Variants in GGNBP2 observed in about 807,000 individuals in gnomAD.
GGNBP2 encodes gametogenetin-binding protein 2.
Under a neutral mutation model 85.9 loss-of-function variants are expected in GGNBP2, and 10 were observed. The observed-to-expected ratio is 0.12, with a 90% CI of 0.07 to 0.20. GGNBP2 has a LOEUF of 0.20. GGNBP2 is among the 10% of genes least tolerant of loss of function. GGNBP2 has a pLI of 1.00. For synonymous variants in GGNBP2, 287 were observed against 285.7 expected (o/e 1.00, Z -0.05); for missense variants, 595 against 857.8 (o/e 0.69, Z 3.83).
intron 6 of GGNBP2, chr17:36,576,627 G>GTATATA (rs1267951780): frequency 9.0e-6 from 1 of 110,698 alleles, no homozygotes; most frequent in African/African-American, 3.9e-5. Flanking sequence ...GTGTGTGTGT[G>GTATATA]TGTATATGTA....
chr17:36,549,643 T>G (rs1439861521), intron 2 of GGNBP2, among the ~76,000 whole-genome samples: 1 of 152,238 alleles, frequency 6.6e-6, no homozygotes, highest in African/African-American at 2.4e-5. Flanking sequence ...CTGTAACTTT[T>G]TGTCCTTATT....
chr17:36,549,972 G>C (rs988755490), intron 2 of GGNBP2, among the ~76,000 whole-genome samples: 9 of 150,220 alleles, frequency 6.0e-5, no homozygotes, highest in African/African-American at 2.0e-4. Flanking sequence ...GAGTCTCACT[G>C]TGTCACCTAG....
intron 6 of GGNBP2, among the ~76,000 whole-genome samples, chr17:36,575,849 G>A (rs2074576048): frequency 6.7e-6 from 1 of 149,742 alleles, no homozygotes; most frequent in Non-Finnish European, 1.5e-5. Flanking sequence ...GTTTCACCAT[G>A]TTGGCCAGGC....
intron 6 of GGNBP2, among the ~76,000 whole-genome samples, chr17:36,575,613 C>CATATATATATATAT (rs776677029): frequency 3.9e-4 from 26 of 66,928 alleles, no homozygotes; most frequent in African/African-American, 9.7e-4. Flanking sequence ...TCTAATGTAA[C>CATATATATATATAT]ATATATATAT....
chr17:36,567,085 G>C (rs2074476006), intron 5 of GGNBP2, among the ~76,000 whole-genome samples: 1 of 152,096 alleles, frequency 6.6e-6, no homozygotes, highest in Non-Finnish European at 1.5e-5. Context: ...ATTTGTGGAA[G>C]ATTGGTCTGT....
intron 6 of GGNBP2, chr17:36,575,217 A>G (rs2074564940): frequency 1.6e-6 from 1 of 639,660 alleles, no homozygotes; most frequent in African/African-American, 1.8e-5. Context: ...CCGCGGCCTC[A>G]GCCCCAGCCC....
intron 10 of GGNBP2, 64 bp from the exon 11 acceptor site, chr17:36,585,776 T>G (rs183181509): frequency 5.8e-6 from 8 of 1,380,062 alleles, no homozygotes; most frequent in Middle Eastern, 3.6e-4. Context: ...CCCAAAGAGT[T>G]CACTCTTTGT....
intron 10 of GGNBP2, 78 bp downstream of exon 10, chr17:36,585,528 T>G: frequency 2.0e-6 from 2 of 1,021,272 alleles, no homozygotes; most frequent in East Asian, 5.0e-5. Flanking sequence ...CTTTTAGAGA[T>G]TCTGTGAGCT....
chr17:36,545,331 C>A (rs1387067681), intron 1 of GGNBP2, among the ~76,000 whole-genome samples: 5 of 149,794 alleles, frequency 3.3e-5, no homozygotes, highest in African/African-American at 1.2e-4. Context: ...GGCCGGGACT[C>A]CTGCAGCGGG....
At chr17:36,586,423 C>T in intron 12 of GGNBP2, 1 of 538,232 alleles carries the variant, frequency 1.9e-6, no homozygotes, top group Non-Finnish European at 3.3e-6. Flanking sequence ...TTCAATTGTT[C>T]TTTTTATACT....
chr17:36,560,220 A>G (rs2074403849), intron 4 of GGNBP2, among the ~76,000 whole-genome samples: 1 of 152,086 alleles, frequency 6.6e-6, no homozygotes, highest in Non-Finnish European at 1.5e-5. Flanking sequence ...AGCCTTCCAA[A>G]GTGCTGGGAT....
intron 6 of GGNBP2, among the ~76,000 whole-genome samples, chr17:36,576,155 A>G (rs2074579494): frequency 1.5e-5 from 2 of 133,402 alleles, no homozygotes; most frequent in African/African-American, 5.6e-5. Context: ...CCTGGCCAAC[A>G]TGGTGAAACC....
chr17:36,561,888 G>C (rs2074420768), intron 5 of GGNBP2, among the ~76,000 whole-genome samples: 1 of 152,220 alleles, frequency 6.6e-6, no homozygotes, highest in Non-Finnish European at 1.5e-5. Flanking sequence ...CTCCCAAAGT[G>C]CTGAGATTAC....
rs2074649679 is a variant in GGNBP2 at position 36,581,504 on chromosome 17, A to G, written c.1181A>G (p.Gln394Arg). 1.2e-6 allele frequency: 2 copies of G among 1,610,776 alleles called. No individual in the cohort carries two copies. The highest frequency in any genetic ancestry group is 1.7e-6 in the Non-Finnish European group (2 of 1,178,958). ...GTGTGTGATATTCCTACTCCCTTACAAACAGCAGATGAAAAGGAAGTAAGC... is the reference window on the plus strand; with the variant it reads ...GTGTGTGATATTCCTACTCCCTTACGAACAGCAGATGAAAAGGAAGTAAGC... Reference protein sequence around the residue: ...KCVCDIPTPLQTADEKEVSQE... With the variant: ...KCVCDIPTPLRTADEKEVSQE... The change falls in exon 9 of 14, where the codon CAA becomes CGA. Residue 394 changes from glutamine (Q) to arginine (R), a missense_variant. By Grantham distance (43) the Gln-to-Arg change is conservative (BLOSUM62 1). Transcript: ENST00000613102.
chr17:36,545,970 T>C (rs1353622646), intron 2 of GGNBP2, 153 bp downstream of exon 2: 2 of 581,184 alleles, frequency 3.4e-6, no homozygotes, highest in East Asian at 6.0e-5. Context: ...AAACTCGCCT[T>C]TGCAGTGGGT....
intron 4 of GGNBP2, among the ~76,000 whole-genome samples, chr17:36,557,911 A>C (rs933780621): frequency 2.0e-5 from 3 of 150,252 alleles, no homozygotes; most frequent in African/African-American, 7.4e-5. Flanking sequence ...CTGGAGGTCG[A>C]GACCATCCTG....
chr17:36,576,098 G>A (rs1441194578), intron 6 of GGNBP2, among the ~76,000 whole-genome samples: 1 of 145,164 alleles, frequency 6.9e-6, no homozygotes, highest in Non-Finnish European at 1.5e-5. Flanking sequence ...AACACTTTGG[G>A]AGGCTGAGGT....
chr17:36,563,832 C>T (rs1256985897), intron 5 of GGNBP2, among the ~76,000 whole-genome samples: 1 of 151,666 alleles, frequency 6.6e-6, no homozygotes, highest in Non-Finnish European at 1.5e-5. Context: ...CAACCTCTGC[C>T]GCCTGGGTTC....
In GGNBP2 at chr17:36,585,695, TA is replaced by T. The variant is rs566273299; in HGVS notation, c.1367-135del. On this transcript the variant is annotated intron_variant, in intron 10 of 13. Coordinates refer to ENST00000613102, the MANE Select transcript of GGNBP2 (RefSeq NM_024835.5). Reference sequence around the variant, plus strand: ...TTCATTATTTAATTTACTTTCTACTTAAAAAAAAAATCCTTCATTGGAAATG... The same window carrying T: ...TTCATTATTTAATTTACTTTCTACTTAAAAAAAAATCCTTCATTGGAAATG... 5.4e-3 allele frequency: 3,570 copies of T among 658,090 alleles called. 1 individual carries two copies. The highest frequency in any genetic ancestry group is 9.1e-3 in the South Asian group (338 of 36,942). 40.8% of individuals were successfully genotyped at this position (658,090 alleles called of 1,614,324 possible).
Sources: gnomAD v4.1 joint callset for allele counts (sites outside exome capture counted in the v4.1 genomes callset) on GRCh38, gnomAD v4.1.1 for gene constraint, MANE v1.5 for transcripts, NCBI Gene and HGNC (gene_info 2026-07-23, HGNC 2026-07-21) for gene names.